Variants in CADM2 observed in about 807,000 individuals in gnomAD.
The protein encoded by CADM2 is cell adhesion molecule 2, also known as immunoglobulin superfamily member 4D.
CADM2 carries 12 observed loss-of-function variants against 49.8 expected under a neutral mutation model. The ratio of observed to expected loss-of-function variants is 0.24; its 90% confidence interval spans 0.15 to 0.39. CADM2 has a LOEUF of 0.39. CADM2 is among the 10% of genes least tolerant of loss of function. The probability of loss-of-function intolerance (pLI) is 1.00; values close to 1 mark genes in which losing one functional copy is unlikely to be tolerated. For synonymous variants in CADM2, 214 were observed against 175.4 expected, an observed-to-expected ratio of 1.22 and a Z score of -1.74; for missense variants, 378 against 492.3, an observed-to-expected ratio of 0.77 and a Z score of 2.20.
At chr3:85,613,878 G>A (rs180801005) in intron 1 of CADM2, among the ~76,000 whole-genome samples, 4 of 151,710 alleles carry the variant, frequency 2.6e-5, no homozygotes, top group African/African-American at 4.8e-5. Context: ...TGAGCCCTTA[G>A]ACAAGTTTTA....
At chr3:86,019,785 C>T (rs975609845) in intron 8 of CADM2, among the ~76,000 whole-genome samples, 4 of 152,150 alleles carry the variant, frequency 2.6e-5, no homozygotes, top group African/African-American at 7.2e-5. Context: ...TGGGCTGAGA[C>T]AATGGGGTTT....
intron 1 of CADM2, among the ~76,000 whole-genome samples, chr3:85,451,318 T>G (rs912216107): frequency 6.6e-6 from 1 of 152,156 alleles, no homozygotes; most frequent in Non-Finnish European, 1.5e-5. Flanking sequence ...GGACAAAAGC[T>G]AATTTATATA....
chr3:85,871,724 A>T (rs2075938454), intron 3 of CADM2, among the ~76,000 whole-genome samples: 1 of 152,102 alleles, frequency 6.6e-6, no homozygotes. Flanking sequence ...CATCATCATC[A>T]TCATGTGATT....
intron 1 of CADM2, among the ~76,000 whole-genome samples, chr3:85,140,575 G>A (rs942034651): frequency 3.3e-5 from 5 of 152,132 alleles, no homozygotes; most frequent in African/African-American, 1.2e-4. Flanking sequence ...TGTTCCAAGT[G>A]CCTTGCCAAC....
intron 1 of CADM2, among the ~76,000 whole-genome samples, chr3:85,637,616 A>ATAAAATAAAATAAAAT (rs5850706): frequency 0.27 from 25,270 of 94,952 alleles, 3,248 homozygotes; most frequent in East Asian, 0.52. Context: ...CTCAAAAAAA[A>ATAAAATAAAATAAAAT]AAAAAAAAAT....
intron 1 of CADM2, among the ~76,000 whole-genome samples, chr3:85,082,924 GT>G (rs970237265): frequency 2.0e-5 from 3 of 152,048 alleles, no homozygotes; most frequent in African/African-American, 7.2e-5. Flanking sequence ...TCCTGAAGAA[GT>G]TTAAAAAAAT....
At chr3:85,904,112 C>T (rs1301011903) in intron 5 of CADM2, among the ~76,000 whole-genome samples, 1 of 152,114 alleles carries the variant, frequency 6.6e-6, no homozygotes, top group Non-Finnish European at 1.5e-5. Flanking sequence ...CCAAATAGTT[C>T]GTTCCCTTAG....
chr3:85,690,222 A>G (rs558280765), intron 1 of CADM2, among the ~76,000 whole-genome samples: 2 of 152,212 alleles, frequency 1.3e-5, no homozygotes, highest in Non-Finnish European at 2.9e-5. Flanking sequence ...GGGGATTCAG[A>G]TCAAATGGAG....
intron 1 of CADM2, among the ~76,000 whole-genome samples, chr3:85,488,208 A>G (rs1335153963): frequency 1.3e-5 from 2 of 152,194 alleles, no homozygotes; most frequent in East Asian, 3.9e-4. Flanking sequence ...ACTTGCTCAA[A>G]TTCATTTGAC....
intron 1 of CADM2, among the ~76,000 whole-genome samples, chr3:85,615,274 G>A (rs1025790111): frequency 2.0e-5 from 3 of 151,818 alleles, no homozygotes; most frequent in Non-Finnish European, 4.4e-5. Flanking sequence ...AGGAAGGAAG[G>A]AAACACATAG....
At chr3:85,083,938 G>A (rs774667379) in intron 1 of CADM2, among the ~76,000 whole-genome samples, 2 of 152,070 alleles carry the variant, frequency 1.3e-5, no homozygotes, top group African/African-American at 2.4e-5. Flanking sequence ...TATAATGATC[G>A]ATTGCATTTC....
intron 1 of CADM2, among the ~76,000 whole-genome samples, chr3:85,286,577 A>T (rs913583932): frequency 6.6e-6 from 1 of 152,158 alleles, no homozygotes; most frequent in Non-Finnish European, 1.5e-5. Flanking sequence ...CATTGAAGGA[A>T]TGTCTAATTC....
At chr3:85,832,208 T>C (rs1018124457) in intron 3 of CADM2, among the ~76,000 whole-genome samples, 1 of 152,040 alleles carries the variant, frequency 6.6e-6, no homozygotes, top group Non-Finnish European at 1.5e-5. Flanking sequence ...TTTGCTGTTT[T>C]GGTTTCTGTA....
chr3:86,012,870 G>T (rs1430849782), intron 8 of CADM2: 2 of 548,476 alleles, frequency 3.6e-6, no homozygotes, highest in Non-Finnish European at 6.6e-6. Context: ...AGCTACTCGG[G>T]AGGCTGAGGC....
intron 8 of CADM2, chr3:86,014,314 C>T: frequency 2.2e-6 from 3 of 1,368,338 alleles, no homozygotes; most frequent in Non-Finnish European, 3.0e-6. Context: ...CTATCTTTTA[C>T]AAGAGCCTTT....
chr3:85,986,025 A>G lies in CADM2; in HGVS notation c.970+24378A>G, dbSNP rs1728066321. Among the ~76,000 whole-genome samples, 3 of 152,172 alleles carry G rather than the reference A, an allele frequency of 2.0e-5. No homozygotes were observed. In the South Asian group the frequency reaches 6.2e-4, roughly 31 times the overall value. ...CAAAATAAAATAAGCTAAAGCAAAC[A>G]CCACATGACATATGTGCACTTCAAA... On this transcript the variant is annotated intron_variant, in intron 8 of 9. Transcript: ENST00000383699.
chr3:85,551,958 A>T (rs1206241887), intron 1 of CADM2, among the ~76,000 whole-genome samples: 1 of 152,100 alleles, frequency 6.6e-6, no homozygotes, highest in African/African-American at 2.4e-5. Flanking sequence ...AATAATTAAA[A>T]TATTTTTGTG....
intron 8 of CADM2, among the ~76,000 whole-genome samples, chr3:86,011,393 T>A (rs867410527): frequency 6.6e-6 from 1 of 152,148 alleles, no homozygotes; most frequent in Non-Finnish European, 1.5e-5. Context: ...ATTATGTTCA[T>A]CTTAATAGAT....
chr3:85,859,877 A>G (rs1324436257), intron 3 of CADM2, among the ~76,000 whole-genome samples: 1 of 152,228 alleles, frequency 6.6e-6, no homozygotes, highest in African/African-American at 2.4e-5. Flanking sequence ...AATTAATTAA[A>G]GAAATACTGT....
Sources: gnomAD v4.1 joint callset for allele counts (sites outside exome capture counted in the v4.1 genomes callset) on GRCh38, gnomAD v4.1.1 for gene constraint, MANE v1.5 for transcripts, NCBI Gene and HGNC (gene_info 2026-07-23, HGNC 2026-07-21) for gene names.